ACSM2A: variants seen among roughly 807,000 people sequenced by gnomAD.
The protein encoded by ACSM2A is acyl-CoA synthetase medium chain family member 2A.
A neutral mutation model predicts 76.6 loss-of-function variants in ACSM2A; 72 were observed. The observed-to-expected ratio is 0.94, with a 90% CI of 0.78 to 1.14. The LOEUF is 1.14. Ranked by LOEUF, ACSM2A falls within the 50% of genes most tolerant of loss-of-function variation. The pLI, the probability that ACSM2A is intolerant of heterozygous loss-of-function variation, is 0.00. For missense variants in ACSM2A, 684 were observed against 708.5 expected, an observed-to-expected ratio of 0.97 and a Z score of 0.39; for synonymous variants, 249 against 255.9, an observed-to-expected ratio of 0.97 and a Z score of 0.26.
intron 12 of ACSM2A, chr16:20,481,697 T>C (rs1292073160): frequency 6.9e-6 from 1 of 145,622 alleles, no homozygotes; most frequent in Non-Finnish European, 1.5e-5. Context: ...ATGTATTGTA[T>C]ATTTCAAAAT....
chr16:20,460,375 A>G (rs2012542838), intron 2 of ACSM2A, 84 bp downstream of exon 2: 1 of 1,498,798 alleles, frequency 6.7e-7, no homozygotes, highest in East Asian at 2.4e-5. Flanking sequence ...ATATTTGTTA[A>G]GTACTTATTA....
intron 5 of ACSM2A, 138 bp downstream of exon 5, chr16:20,471,354 GT>G: frequency 6.7e-7 from 1 of 1,501,110 alleles, no homozygotes; most frequent in Non-Finnish European, 8.9e-7. Context: ...TACAGGATGT[GT>G]GGATAGAACA....
At chr16:20,483,448 T>C (rs1427192028) in intron 13 of ACSM2A, among the ~76,000 whole-genome samples, 2 of 151,244 alleles carry the variant, frequency 1.3e-5, no homozygotes, top group Non-Finnish European at 2.9e-5. Context: ...CATGTGCCTG[T>C]AATCCCAGCT....
intron 13 of ACSM2A, among the ~76,000 whole-genome samples, chr16:20,486,048 G>A (rs548629285): frequency 1.3e-5 from 2 of 152,352 alleles, no homozygotes; most frequent in East Asian, 1.9e-4. Flanking sequence ...AATTCAAAAT[G>A]AGGTATCCTA....
In ACSM2A at chr16:20,479,772, A is replaced by C. The variant is rs537567368; in HGVS notation, c.1282-801A>C. 4.0e-3 allele frequency among the ~76,000 whole-genome samples: 616 copies of C among 152,326 alleles called. 6 individuals carry two copies. Among genetic ancestry groups the C allele is most frequent in the African/African-American group, 0.014 (582 of 41,556 alleles). Reference sequence around the variant, plus strand: ...ACAGACTCAGAAGCGTCTGTGGGGCAGACTCCTAAGGCCACAGAGGCTCCA... The same window carrying C: ...ACAGACTCAGAAGCGTCTGTGGGGCCGACTCCTAAGGCCACAGAGGCTCCA... On this transcript the variant is annotated intron_variant, in intron 10 of 13. Coordinates refer to ENST00000573854, the MANE Select transcript of ACSM2A (RefSeq NM_001308172.2).
At chr16:20,478,460 T>G (rs2013883074) in intron 9 of ACSM2A, 116 bp from the exon 10 acceptor site, 1 of 1,220,934 alleles carries the variant, frequency 8.2e-7, no homozygotes. Flanking sequence ...GGTTGTTGTT[T>G]TCAGTCTCCA....
chr16:20,482,134 CAAA>C (rs768615976), intron 12 of ACSM2A: 1,044 of 49,684 alleles, frequency 0.021, 6 homozygotes, highest in African/African-American at 0.06. Flanking sequence ...GACTCTGTCT[CAAA>C]AAAAAAAAAA....
chr16:20,469,148 C>T (rs1305772572), intron 3 of ACSM2A, among the ~76,000 whole-genome samples: 1 of 152,134 alleles, frequency 6.6e-6, no homozygotes, highest in Non-Finnish European at 1.5e-5. Context: ...AGTGCCTTTC[C>T]TCATGATTCT....
At chr16:20,481,210 T>C in intron 12 of ACSM2A, 1 of 405,826 alleles carries the variant, frequency 2.5e-6, no homozygotes, top group Non-Finnish European at 4.4e-6. Context: ...GATCCAGCAA[T>C]CCCACTACTG....
In ACSM2A at chr16:20,481,640, A is replaced by G. The variant is rs558501879; in HGVS notation, c.1509+719A>G. The stretch of plus-strand genomic sequence containing the variant: ...GTAGAAGCATACAGTTAGCAGCAAT[A>G]AGTTCGAATGTTCAATAGCAGAGTA... On this transcript the variant is annotated intron_variant, in intron 12 of 13. Coordinates refer to ENST00000573854, the MANE Select transcript of ACSM2A (RefSeq NM_001308172.2). 5 of 145,626 alleles carry G rather than the reference A, an allele frequency of 3.4e-5. No individual in the cohort carries two copies. In the East Asian group the frequency reaches 8.3e-4, roughly 24 times the overall value. 9.0% of individuals were successfully genotyped at this position (145,626 alleles called of 1,614,324 possible). A position where few individuals can be genotyped will look rare whatever the true frequency, so the allele number is the denominator to read the frequency against.
At chr16:20,470,081 C>A (rs1172914604) in intron 4 of ACSM2A, among the ~76,000 whole-genome samples, 3 of 151,906 alleles carry the variant, frequency 2.0e-5, no homozygotes, top group African/African-American at 4.8e-5. Context: ...CGCACTCATG[C>A]GTGAAGAGTG....
chr16:20,454,837 A>G (rs1278814267), intron 1 of ACSM2A, among the ~76,000 whole-genome samples: 1 of 151,758 alleles, frequency 6.6e-6, no homozygotes, highest in African/African-American at 2.4e-5. Flanking sequence ...CTGAGAAAGT[A>G]TTCAGAAGGG....
At chr16:20,464,245 T>A (rs1910802) in intron 2 of ACSM2A, among the ~76,000 whole-genome samples, 56,530 of 152,038 alleles carry the variant, frequency 0.37, 11,774 homozygotes, top group East Asian at 0.79. Context: ...TCCCATGACC[T>A]AGTTCCAGAG....
intron 13 of ACSM2A, 87 bp downstream of exon 13, chr16:20,483,264 C>T: frequency 6.4e-7 from 1 of 1,557,544 alleles, no homozygotes. Context: ...GGAGGACAGT[C>T]CTCTAATTTT....
At chr16:20,464,561 G>C (rs1272681361) in intron 2 of ACSM2A, among the ~76,000 whole-genome samples, 3 of 152,112 alleles carry the variant, frequency 2.0e-5, no homozygotes, top group African/African-American at 7.2e-5. Flanking sequence ...TAAACAACCA[G>C]ATCTTATGAT....
chr16:20,473,812 G>T, intron 6 of ACSM2A: 1 of 244,414 alleles, frequency 4.1e-6, no homozygotes, highest in South Asian at 4.3e-5. Context: ...CATCAATACA[G>T]ACTTTAAGTC....
intron 13 of ACSM2A, among the ~76,000 whole-genome samples, chr16:20,485,723 A>T (rs946469581): frequency 6.6e-6 from 1 of 152,254 alleles, no homozygotes; most frequent in Non-Finnish European, 1.5e-5. Flanking sequence ...GTCTTGACTT[A>T]TAGAAGAATT....
intron 3 of ACSM2A, among the ~76,000 whole-genome samples, chr16:20,467,048 T>G (rs556409068): frequency 2.5e-4 from 38 of 152,300 alleles, no homozygotes; most frequent in African/African-American, 8.9e-4. Flanking sequence ...TGAGCAAAGA[T>G]AGATAGCTTG....
intron 6 of ACSM2A, among the ~76,000 whole-genome samples, chr16:20,473,807 A>G (rs1303948060): frequency 5.3e-5 from 8 of 152,042 alleles, no homozygotes; most frequent in Non-Finnish European, 8.8e-5. Flanking sequence ...ATTAACATCA[A>G]TACAGACTTT....
Sources: allele counts gnomAD v4.1 joint callset (sites outside exome capture counted in the v4.1 genomes callset), GRCh38; gene constraint gnomAD v4.1.1; transcripts MANE v1.5; gene names NCBI Gene and HGNC (gene_info 2026-07-23, HGNC 2026-07-21).